GALNTL6: variants seen among roughly 807,000 people sequenced by gnomAD.
GALNTL6 encodes the protein polypeptide N-acetylgalactosaminyltransferase-like 6.
Under a neutral mutation model 73.7 loss-of-function variants are expected in GALNTL6, and 46 were observed. That is an observed-to-expected ratio of 0.62 (90% CI 0.49 to 0.80). The LOEUF (loss-of-function observed/expected upper bound fraction) is 0.80. GALNTL6 is among the 30% of genes least tolerant of loss of function. GALNTL6 has a pLI of 0.00. For synonymous variants in GALNTL6, 259 were observed against 263.7 expected (o/e 0.98, Z 0.17); for missense variants, 604 against 755.0 (o/e 0.80, Z 2.34).
chr4:172,911,871 T>C (rs1262051735), intron 8 of GALNTL6, among the ~76,000 whole-genome samples: 1 of 152,248 alleles, frequency 6.6e-6, no homozygotes, highest in African/African-American at 2.4e-5. Flanking sequence ...ATTTTAGCTT[T>C]TATAGATAGT....
chr4:171,926,946 T>C (rs548291511), intron 2 of GALNTL6, among the ~76,000 whole-genome samples: 1 of 152,276 alleles, frequency 6.6e-6, no homozygotes, highest in African/African-American at 2.4e-5. Context: ...TAATCCGCCC[T>C]TAAAGATCTC....
At chr4:172,530,275 C>T (rs960681327) in intron 5 of GALNTL6, among the ~76,000 whole-genome samples, 2 of 151,756 alleles carry the variant, frequency 1.3e-5, no homozygotes, top group African/African-American at 4.8e-5. Flanking sequence ...TTTAAACACT[C>T]AGCCCTTTTC....
At chr4:172,592,387 T>C (rs993054719) in intron 5 of GALNTL6, among the ~76,000 whole-genome samples, 2 of 151,962 alleles carry the variant, frequency 1.3e-5, no homozygotes, top group Non-Finnish European at 2.9e-5. Context: ...GACCCAAACA[T>C]CTCCCACTCT....
intron 10 of GALNTL6, among the ~76,000 whole-genome samples, chr4:172,971,077 C>A (rs1056176137): frequency 5.3e-5 from 8 of 152,154 alleles, no homozygotes; most frequent in African/African-American, 1.9e-4. Flanking sequence ...TGACTTCCTG[C>A]AACAATCACA....
chr4:172,685,249 A>G (rs947614934), intron 5 of GALNTL6, among the ~76,000 whole-genome samples: 5 of 152,118 alleles, frequency 3.3e-5, no homozygotes, highest in African/African-American at 4.8e-5. Flanking sequence ...ACAGCAAGTC[A>G]TTTAGTGAAT....
At chr4:172,601,694 G>A (rs1009189288) in intron 5 of GALNTL6, among the ~76,000 whole-genome samples, 7 of 151,982 alleles carry the variant, frequency 4.6e-5, no homozygotes, top group Admixed American at 3.9e-4. Context: ...CCAGTTTCAG[G>A]TATTCTTTTA....
intron 5 of GALNTL6, among the ~76,000 whole-genome samples, chr4:172,554,924 T>C (rs1736090888): frequency 6.6e-6 from 1 of 152,178 alleles, no homozygotes; most frequent in Non-Finnish European, 1.5e-5. Flanking sequence ...ATTTAGGATA[T>C]AGCTATATCA....
intron 2 of GALNTL6, among the ~76,000 whole-genome samples, chr4:172,061,879 T>G (rs532516991): frequency 2.0e-4 from 30 of 152,110 alleles, no homozygotes; most frequent in African/African-American, 5.8e-4. Context: ...AACATTGCAC[T>G]GTAAATGCTT....
At chr4:172,755,858 T>G (rs145325063) in intron 5 of GALNTL6, among the ~76,000 whole-genome samples, 100 of 152,330 alleles carry the variant, frequency 6.6e-4, no homozygotes, top group African/African-American at 2.2e-3. Context: ...ATTCACCATA[T>G]TCATTATATT....
intron 2 of GALNTL6, among the ~76,000 whole-genome samples, chr4:171,904,515 T>G (rs1737211266): frequency 6.6e-6 from 1 of 152,206 alleles, no homozygotes. Context: ...AATCTGCGTC[T>G]GATTGGTGTA....
chr4:172,560,372 C>A (rs961703465), intron 5 of GALNTL6, among the ~76,000 whole-genome samples: 1 of 151,794 alleles, frequency 6.6e-6, no homozygotes, highest in East Asian at 1.9e-4. Flanking sequence ...ATGGTGCACA[C>A]CTATAGTCCC....
intron 2 of GALNTL6, chr4:171,815,176 G>C (rs1734492605): frequency 5.6e-6 from 1 of 177,676 alleles, no homozygotes; most frequent in Admixed American, 6.2e-5. Context: ...ATGGTTTTCA[G>C]TATTTTGGTT....
intron 5 of GALNTL6, among the ~76,000 whole-genome samples, chr4:172,601,360 G>A (rs1013304326): frequency 6.6e-6 from 1 of 152,134 alleles, no homozygotes; most frequent in Non-Finnish European, 1.5e-5. Context: ...GTAGGGCCTA[G>A]TGGAAGGTAT....
rs529994766 is a variant in GALNTL6, at chr4:171,956,018, C to A, written c.138+141300C>A. Reference sequence around the variant, plus strand: ...CTAATTTGTGTGTGTGTGTGTGGGACAGGGCCTCATTCTGTCACCTGTCAC... The same window carrying A: ...CTAATTTGTGTGTGTGTGTGTGGGAAAGGGCCTCATTCTGTCACCTGTCAC... On this transcript the variant is annotated intron_variant, in intron 2 of 12. Coordinates refer to ENST00000506823, the MANE Select transcript of GALNTL6 (RefSeq NM_001034845.3). Among the ~76,000 whole-genome samples the A allele has an allele frequency of 6.4e-5, 9 of 141,554 alleles. No individual in the cohort carries two copies. The East Asian group carries it at 1.9e-3, about 30-fold the overall frequency. The allele number at this position is 141,554 out of a possible 152,430, so 92.9% of individuals were successfully genotyped here.
chr4:172,676,991 C>G (rs1732338991), intron 5 of GALNTL6, among the ~76,000 whole-genome samples: 2 of 152,138 alleles, frequency 1.3e-5, no homozygotes, highest in South Asian at 4.1e-4. Context: ...AACTAAAGAC[C>G]TGAAATGCTA....
intron 5 of GALNTL6, among the ~76,000 whole-genome samples, chr4:172,744,329 A>G (rs925689741): frequency 1.3e-5 from 2 of 152,118 alleles, no homozygotes; most frequent in African/African-American, 4.8e-5. Context: ...GTGCTTAGCT[A>G]TCATAACACA....
intron 5 of GALNTL6, among the ~76,000 whole-genome samples, chr4:172,578,206 T>A (rs959177531): frequency 6.6e-5 from 10 of 152,180 alleles, no homozygotes; most frequent in Admixed American, 2.0e-4. Context: ...TTAAAAAAAA[T>A]TTCTCACAAA....
intron 8 of GALNTL6, among the ~76,000 whole-genome samples, chr4:172,897,424 G>A (rs1377742432): frequency 6.6e-6 from 1 of 152,206 alleles, no homozygotes; most frequent in Admixed American, 6.5e-5. Flanking sequence ...GCTGAGAGAG[G>A]CTGGAGCAAC....
At chr4:172,985,014 C>T (rs1293042298) in intron 10 of GALNTL6, among the ~76,000 whole-genome samples, 5 of 152,048 alleles carry the variant, frequency 3.3e-5, no homozygotes, top group Non-Finnish European at 7.4e-5. Flanking sequence ...TACTGATGGC[C>T]TTGAATAAAG....
Sources: allele counts gnomAD v4.1 joint callset (sites outside exome capture counted in the v4.1 genomes callset), GRCh38; gene constraint gnomAD v4.1.1; transcripts MANE v1.5; gene names NCBI Gene and HGNC (gene_info 2026-07-23, HGNC 2026-07-21).